FMN1: variants seen among roughly 807,000 people sequenced by gnomAD.
FMN1 encodes formin 1.
FMN1 carries 110 observed loss-of-function variants against 132.4 expected under a neutral mutation model. The observed-to-expected ratio is 0.83, with a 90% confidence interval of 0.71 to 0.97. The LOEUF (loss-of-function observed/expected upper bound fraction) is 0.97. FMN1 is among the 50% of genes least tolerant of loss of function. FMN1 has a pLI of 0.00. For synonymous variants in FMN1, 722 were observed against 651.7 expected (o/e 1.11, Z -1.64); for missense variants, 1,792 against 1,705.3 (o/e 1.05, Z -0.90).
intron 6 of FMN1, among the ~76,000 whole-genome samples, chr15:33,060,924 C>G (rs561420353): frequency 5.3e-5 from 8 of 152,278 alleles, no homozygotes; most frequent in African/African-American, 1.9e-4. Flanking sequence ...TACATCATGA[C>G]AATGTATTTT....
Position 33,019,799 on chromosome 15 carries a change from G to A in FMN1, c.2162-11724C>T, listed in dbSNP as rs1009210191. 3.3e-5 allele frequency among the ~76,000 whole-genome samples: 5 copies of A among 152,288 alleles called. No individual in the cohort carries two copies. In the East Asian group the frequency reaches 5.8e-4, roughly 18 times the overall value. ...GGGCCCGCCAAGCCCATGCCCACTC[G>A]GACCTCTAGCTGGCCCGCAAGCACC... is the stretch of plus-strand genomic sequence containing the variant. On this transcript the variant is annotated intron_variant, in intron 6 of 20. Transcript: ENST00000616417.
intron 4 of FMN1, among the ~76,000 whole-genome samples, chr15:33,099,615 A>G (rs2141407645): frequency 6.6e-6 from 1 of 152,336 alleles, no homozygotes; most frequent in Non-Finnish European, 1.5e-5. Flanking sequence ...TCCAGGATGA[A>G]TTGATATGAA....
chr15:32,938,754 T>A (rs1036444040), intron 9 of FMN1, among the ~76,000 whole-genome samples: 2 of 152,218 alleles, frequency 1.3e-5, no homozygotes, highest in Non-Finnish European at 2.9e-5. Context: ...CCACTTTAGG[T>A]ATTACCAATT....
rs577897470 is a variant in FMN1, at chr15:32,893,674, G to A, written c.3714+5160C>T. 2.6e-5 allele frequency among the ~76,000 whole-genome samples: 4 copies of A among 152,368 alleles called. No individual in the cohort carries two copies. In the South Asian group the frequency reaches 8.3e-4, roughly 32 times the overall value. On this transcript the variant is annotated intron_variant, in intron 15 of 20. Coordinates refer to ENST00000616417, the MANE Select transcript of FMN1 (RefSeq NM_001277313.2). The stretch of plus-strand genomic sequence containing the variant: ...AATCACATAATTCTACCCTCTTGTT[G>A]AGTGAAATGCATTTTGCACAGTAAA...
intron 16 of FMN1, among the ~76,000 whole-genome samples, chr15:32,871,146 C>T (rs1220058024): frequency 4.6e-5 from 7 of 152,074 alleles, no homozygotes; most frequent in Non-Finnish European, 7.4e-5. Context: ...AGGAGAGCAG[C>T]GACTAACTTC....
intron 4 of FMN1, among the ~76,000 whole-genome samples, chr15:33,106,986 T>TATC (rs377482884): frequency 2.6e-5 from 4 of 152,072 alleles, no homozygotes; most frequent in African/African-American, 7.2e-5. Flanking sequence ...GCTCTCGCCC[T>TATC]ATCTCATACA....
intron 5 of FMN1, among the ~76,000 whole-genome samples, chr15:33,069,679 CAAAT>C (rs141723184): frequency 0.021 from 3,265 of 152,248 alleles, 61 homozygotes; most frequent in Non-Finnish European, 0.028. Flanking sequence ...AACGCTCACA[CAAAT>C]AAAAACGCAT....
chr15:33,126,727 C>A (rs542850142), intron 4 of FMN1, among the ~76,000 whole-genome samples: 2 of 151,944 alleles, frequency 1.3e-5, no homozygotes, highest in African/African-American at 4.8e-5. Flanking sequence ...ACGCTACAGG[C>A]AGGCTGGAGC....
intron 4 of FMN1, among the ~76,000 whole-genome samples, chr15:33,112,474 C>T (rs542184829): frequency 6.6e-6 from 1 of 152,234 alleles, no homozygotes; most frequent in African/African-American, 2.4e-5. Flanking sequence ...GTACTAAGCA[C>T]AACTATGCAA....
chr15:32,872,865 G>T (rs1468873264), intron 16 of FMN1, among the ~76,000 whole-genome samples: 3 of 151,982 alleles, frequency 2.0e-5, no homozygotes, highest in East Asian at 3.9e-4. Flanking sequence ...TTCTACTCTG[G>T]AAAGTGTTTA....
At chr15:32,929,069 A>G (rs1280389398) in intron 9 of FMN1, among the ~76,000 whole-genome samples, 1 of 152,210 alleles carries the variant, frequency 6.6e-6, no homozygotes, top group Non-Finnish European at 1.5e-5. Context: ...ACTTGGCACA[A>G]CCAGGTATTT....
chr15:33,039,835 T>C (rs148416943), intron 6 of FMN1, among the ~76,000 whole-genome samples: 82 of 152,334 alleles, frequency 5.4e-4, no homozygotes, highest in African/African-American at 1.9e-3. Context: ...AGTCATTGGT[T>C]GCCTCTATCA....
chr15:32,966,702 G>A (rs1335378787), intron 8 of FMN1, among the ~76,000 whole-genome samples: 2 of 152,168 alleles, frequency 1.3e-5, no homozygotes, highest in Non-Finnish European at 2.9e-5. Context: ...ACATAATGCT[G>A]AAAATTCACA....
At chr15:33,002,270 AC>A in intron 7 of FMN1, among the ~76,000 whole-genome samples, 1 of 152,318 alleles carries the variant, frequency 6.6e-6, no homozygotes, top group African/African-American at 2.4e-5. Flanking sequence ...ATTCTCCATA[AC>A]TTGTATATGG....
At chr15:33,101,043 G>GT (rs2039274598) in intron 4 of FMN1, among the ~76,000 whole-genome samples, 1 of 151,928 alleles carries the variant, frequency 6.6e-6, no homozygotes, top group South Asian at 2.1e-4. Context: ...ACTTTCTACC[G>GT]TTTTTTCAAT....
At chr15:32,824,178 T>C (rs867207839) in intron 17 of FMN1, among the ~76,000 whole-genome samples, 2 of 152,206 alleles carry the variant, frequency 1.3e-5, no homozygotes, top group South Asian at 2.1e-4. Flanking sequence ...CACGTTATTA[T>C]TAATCATGTT....
At chr15:32,988,892 T>C (rs1039184732) in intron 7 of FMN1, among the ~76,000 whole-genome samples, 1 of 152,218 alleles carries the variant, frequency 6.6e-6, no homozygotes, top group Non-Finnish European at 1.5e-5. Flanking sequence ...AAGTCTATGT[T>C]GCTTCCACTT....
chr15:32,817,635 C>T (rs539470764), intron 17 of FMN1, among the ~76,000 whole-genome samples: 11 of 152,310 alleles, frequency 7.2e-5, no homozygotes, highest in African/African-American at 2.2e-4. Flanking sequence ...CATTAAAGAA[C>T]ATTTGATCTG....
chr15:33,017,696 G>C (rs965555727), intron 6 of FMN1, among the ~76,000 whole-genome samples: 1 of 152,186 alleles, frequency 6.6e-6, no homozygotes, highest in Admixed American at 6.5e-5. Context: ...AGTATCAAAA[G>C]ATGGGGGGAA....
Sources: allele counts gnomAD v4.1 joint callset (sites outside exome capture counted in the v4.1 genomes callset), GRCh38; gene constraint gnomAD v4.1.1; transcripts MANE v1.5; gene names NCBI Gene and HGNC (gene_info 2026-07-23, HGNC 2026-07-21).